Variants in AMER1 observed in about 807,000 individuals in gnomAD.
AMER1 encodes the protein RP11-403E24.2.
Under a neutral mutation model 53.0 loss-of-function variants are expected in AMER1, and 16 were observed. That is an observed-to-expected ratio of 0.30 (90% confidence interval 0.20 to 0.46). The LOEUF is 0.46. Among genes scored for constraint, AMER1 ranks in the 20% least tolerant of loss-of-function variants. The probability of loss-of-function intolerance (pLI) is 1.00; values close to 1 mark genes in which losing one functional copy is unlikely to be tolerated. For synonymous variants in AMER1, 354 were observed against 331.9 expected (o/e 1.07, Z -0.73); for missense variants, 947 against 884.9 (o/e 1.07, Z -0.89).
rs2093284049 is a variant in AMER1 at position 64,185,875 on chromosome X, A to G, written c.*4004T>C. The G allele has an allele frequency of 6.1e-6, 2 of 328,932 alleles. No homozygotes were observed. Among genetic ancestry groups the G allele is most frequent in the Admixed American group, 1.0e-4 (2 of 20,046 alleles). The allele number at this position is 328,932 out of a possible 1,213,427, so 27.1% of individuals were successfully genotyped here. ...CTGTCTCCCACAGCTTCTTGGGGAA[A>G]GGGGACATGGTTGAAACCCCCTTCC... On this transcript the variant is annotated 3_prime_UTR_variant, in exon 2 of 2. Coordinates refer to ENST00000374869, the MANE Select transcript of AMER1 (RefSeq NM_152424.4).
chrX:64,191,264 G>C lies in AMER1; in HGVS notation c.2023C>G (p.Gln675Glu). 8.3e-7 allele frequency: 1 copy of C among 1,211,772 alleles called. No individual in the cohort carries two copies. The highest frequency in any genetic ancestry group is 1.1e-6 in the Non-Finnish European group (1 of 895,442). ...GLAAGVSGTS[Q>E]ISHRGITSAF... Reference sequence around the variant, plus strand: ...GAGGTAATTCCCCGGTGGGAAATCTGAGAGGTCCCTGATACCCCTGCTGCC... The same window carrying C: ...GAGGTAATTCCCCGGTGGGAAATCTCAGAGGTCCCTGATACCCCTGCTGCC... The change falls in exon 2 of 2, where the codon CAG becomes GAG. Residue 675 changes from glutamine to glutamate, a missense_variant. Gln to Glu is a conservative substitution (Grantham distance 29). Coordinates refer to ENST00000374869, the MANE Select transcript of AMER1 (RefSeq NM_152424.4).
rs780678741 is a variant in AMER1 at position 64,193,228 on chromosome X, G to A, written c.59C>T (p.Thr20Ile). The change falls in exon 2 of 2, where the codon ACC becomes ATC. Residue 20 changes from threonine to isoleucine, a missense_variant. Transcript: ENST00000374869. ...QAKGAAASGS[T>I]REQTAEKGAK... is the part of the protein sequence containing the mutation. ...TCCTTTTTCTGCTGTTTGTTCACGG[G>A]TACTCCCAGAGGCTGCAGCTCCCTT... The A allele has an allele frequency of 1.2e-5, 14 of 1,210,028 alleles. No individual in the cohort carries two copies. The highest frequency in any genetic ancestry group is 2.2e-5 in the Admixed American group (1 of 45,739).
chrX:64,194,461 T>C (rs748367394), intron 1 of AMER1, among the ~76,000 whole-genome samples: 3 of 111,475 alleles, frequency 2.7e-5, no homozygotes, highest in Admixed American at 9.5e-5. Flanking sequence ...AGAGATGGAA[T>C]AAAAACAAGA....
Position 64,189,792 on chromosome X carries a change from A to AGCGGGGGGGG in AMER1, c.*86_*87insCCCCCCCCGC. ...CCAAAGGGTTTTCAAGTTAAACAAC[A>AGCGGGGGGGG]ACCCCCACCCCCCCACCCTTCTGCC... is the stretch of plus-strand genomic sequence containing the variant. On this transcript the variant is annotated 3_prime_UTR_variant, in exon 2 of 2. Coordinates refer to ENST00000374869, the MANE Select transcript of AMER1 (RefSeq NM_152424.4). The AGCGGGGGGGG allele has an allele frequency of 1.3e-6, 1 of 746,976 alleles. No homozygotes were observed. The highest frequency in any genetic ancestry group is 8.5e-5 in the East Asian group (1 of 11,770). 61.6% of individuals were successfully genotyped at this position (746,976 alleles called of 1,213,427 possible). A position where few individuals can be genotyped will look rare whatever the true frequency, so the allele number is the denominator to read the frequency against.
At chrX:64,195,579 T>C (rs979695212) in intron 1 of AMER1, among the ~76,000 whole-genome samples, 1 of 112,238 alleles carries the variant, frequency 8.9e-6, no homozygotes, top group East Asian at 2.8e-4. Flanking sequence ...AGGCATTAGA[T>C]TCTCATAGGA....
chrX:64,189,793 A>AGGGGGGGCG lies in AMER1; in HGVS notation c.*85_*86insCGCCCCCCC. On this transcript the variant is annotated 3_prime_UTR_variant, in exon 2 of 2. Coordinates refer to ENST00000374869, the MANE Select transcript of AMER1 (RefSeq NM_152424.4). The stretch of plus-strand genomic sequence containing the variant: ...CAAAGGGTTTTCAAGTTAAACAACA[A>AGGGGGGGCG]CCCCCACCCCCCCACCCTTCTGCCC... 1 of 292,064 alleles carries AGGGGGGGCG rather than the reference A, an allele frequency of 3.4e-6. No homozygotes were observed. The highest frequency in any genetic ancestry group is 1.7e-4 in the East Asian group (1 of 5,962). 24.1% of individuals were successfully genotyped at this position (292,064 alleles called of 1,213,427 possible). A position where few individuals can be genotyped will look rare whatever the true frequency, so the allele number is the denominator to read the frequency against.
At position 64,190,309 on chromosome X, in the gene AMER1, G is replaced by A. The variant is rs2147084860; in HGVS notation, c.2978C>T (p.Thr993Ile). ...PSSQSPYRQA[T>I]CCIPPMTMSI... ...CATGGTCATAGGAGGTATGCAACAG[G>A]TTGCCTGCCTATATGGAGACTGGCT... Residue 993 changes from threonine to isoleucine, a missense_variant, in exon 2 of 2, where the codon ACC (threonine) becomes ATC (isoleucine). By Grantham distance (89) the Thr-to-Ile change is moderately conservative. Transcript: ENST00000374869. 1 of 1,211,846 alleles carries A rather than the reference G, an allele frequency of 8.3e-7. No homozygotes were observed. Among genetic ancestry groups the A allele is most frequent in the Non-Finnish European group, 1.1e-6 (1 of 895,524 alleles).
chrX:64,189,565 A>AACTTGGC lies in AMER1; in HGVS notation c.*307_*313dup. The AACTTGGC allele has an allele frequency of 1.7e-6, 1 of 575,072 alleles. No homozygotes were observed. The highest frequency in any genetic ancestry group is 2.1e-6 in the Non-Finnish European group (1 of 485,647). 47.4% of individuals were successfully genotyped at this position (575,072 alleles called of 1,213,427 possible). The stretch of plus-strand genomic sequence containing the variant: ...ATATATATATATATATATAATCACT[A>AACTTGGC]ACTTGGCAACTGGAATAGGCACAAA... On this transcript the variant is annotated 3_prime_UTR_variant, in exon 2 of 2. Transcript: ENST00000374869.
chrX:64,189,793 A>ACCACCCCC lies in AMER1; in HGVS notation c.*85_*86insGGGGGTGG. The ACCACCCCC allele has an allele frequency of 1.0e-5, 3 of 292,072 alleles. No individual in the cohort carries two copies. Among genetic ancestry groups the ACCACCCCC allele is most frequent in the South Asian group, 6.5e-5 (1 of 15,354 alleles). The allele number at this position is 292,072 out of a possible 1,213,427, so 24.1% of individuals were successfully genotyped here. A position where few individuals can be genotyped will look rare whatever the true frequency, so the allele number is the denominator to read the frequency against. ...CAAAGGGTTTTCAAGTTAAACAACAACCCCCACCCCCCCACCCTTCTGCCC... is the reference window on the plus strand; with the variant it reads ...CAAAGGGTTTTCAAGTTAAACAACAACCACCCCCCCCCCACCCCCCCACCCTTCTGCCC... On this transcript the variant is annotated 3_prime_UTR_variant, in exon 2 of 2. Coordinates refer to ENST00000374869, the MANE Select transcript of AMER1 (RefSeq NM_152424.4).
At chrX:64,201,728 C>A (rs751373238) in intron 1 of AMER1, among the ~76,000 whole-genome samples, 1 of 112,272 alleles carries the variant, frequency 8.9e-6, no homozygotes, top group Non-Finnish European at 1.9e-5. Context: ...GGCTGGAAAC[C>A]CCTTCTCCCT....
rs1930157082 is a variant in AMER1 at position 64,188,646 on chromosome X, G to A, written c.*1233C>T. 1 of 799,465 alleles carries A rather than the reference G, an allele frequency of 1.3e-6. No homozygotes were observed. Among genetic ancestry groups the A allele is most frequent in the Admixed American group, 7.8e-5 (1 of 12,872 alleles). 65.9% of individuals were successfully genotyped at this position (799,465 alleles called of 1,213,427 possible). A position where few individuals can be genotyped will look rare whatever the true frequency, so the allele number is the denominator to read the frequency against. On this transcript the variant is annotated 3_prime_UTR_variant, in exon 2 of 2. Transcript: ENST00000374869. Reference sequence around the variant, plus strand: ...ATTACAGAGTCCAAATGATGGGATGGGCAAGGCTTAAGGAACATTTTGTGT... The same window carrying A: ...ATTACAGAGTCCAAATGATGGGATGAGCAAGGCTTAAGGAACATTTTGTGT...
In AMER1 at chrX:64,191,701, T is replaced by C. The variant is rs1157097245; in HGVS notation, c.1586A>G (p.His529Arg). 1.7e-6 allele frequency: 2 copies of C among 1,211,828 alleles called. No individual in the cohort carries two copies. The highest frequency in any genetic ancestry group is 2.2e-5 in the Admixed American group (1 of 46,082). The change falls in exon 2 of 2, where the codon CAT (histidine) becomes CGT (arginine). Residue 529 changes from histidine (H) to arginine (R), a missense_variant. His to Arg is a conservative substitution (Grantham distance 29). Transcript: ENST00000374869. ...PPGDDCLYDL[H>R]GRSSEMFDPF... ...GTCAAACATCTCAGAGCTTCGACCATGGAGGTCATAAAGGCAGTCATCTCC... is the reference window on the plus strand; with the variant it reads ...GTCAAACATCTCAGAGCTTCGACCACGGAGGTCATAAAGGCAGTCATCTCC...
At position 64,189,190 on chromosome X, in the gene AMER1, A is replaced by T; in HGVS notation, c.*689T>A. 1.2e-6 allele frequency: 1 copy of T among 800,844 alleles called. No homozygotes were observed. The highest frequency in any genetic ancestry group is 7.3e-5 in the East Asian group (1 of 13,788). The allele number at this position is 800,844 out of a possible 1,213,427, so 66.0% of individuals were successfully genotyped here. On this transcript the variant is annotated 3_prime_UTR_variant, in exon 2 of 2. Coordinates refer to ENST00000374869, the MANE Select transcript of AMER1 (RefSeq NM_152424.4). ...TAGGCTGTGAGACACACGCTACTTGATCCTCTCTAAGGACAGCTAGCTGGG... is the reference window on the plus strand; with the variant it reads ...TAGGCTGTGAGACACACGCTACTTGTTCCTCTCTAAGGACAGCTAGCTGGG...
At position 64,205,291 on chromosome X, in the gene AMER1, C is replaced by G. The variant is rs373881047; in HGVS notation, c.-99+279G>C. On this transcript the variant is annotated intron_variant, in intron 1 of 1. Coordinates refer to ENST00000374869, the MANE Select transcript of AMER1 (RefSeq NM_152424.4). ...GCACGTGCGGGCCCATCCCCGCCCC[C>G]CCGAAAGCCGGGAGGCTTGGCCCAG... is the stretch of plus-strand genomic sequence containing the variant. Among the ~76,000 whole-genome samples the G allele has an allele frequency of 3.7e-4, 41 of 111,041 alleles. 1 individual carries two copies. Among genetic ancestry groups the G allele is most frequent in the Admixed American group, 3.0e-3 (32 of 10,717 alleles).
chrX:64,204,308 G>T (rs1357971628), intron 1 of AMER1, among the ~76,000 whole-genome samples: 1 of 113,849 alleles, frequency 8.8e-6, no homozygotes, highest in Non-Finnish European at 1.9e-5. Context: ...GTTTGTGTGT[G>T]GAACAAGGCT....
chrX:64,189,558 A>ATATATATAT lies in AMER1; in HGVS notation c.*320_*321insATATATATA, dbSNP rs1930193432. 26 of 304,542 alleles carry ATATATATAT rather than the reference A, an allele frequency of 8.5e-5. No individual in the cohort carries two copies. The highest frequency in any genetic ancestry group is 5.2e-4 in the Admixed American group (4 of 7,729). 25.1% of individuals were successfully genotyped at this position (304,542 alleles called of 1,213,427 possible). A position where few individuals can be genotyped will look rare whatever the true frequency, so the allele number is the denominator to read the frequency against. ...TATATATATATATATATATATATAT[A>ATATATATAT]ATCACTAACTTGGCAACTGGAATAG... On this transcript the variant is annotated 3_prime_UTR_variant, in exon 2 of 2. Coordinates refer to ENST00000374869, the MANE Select transcript of AMER1 (RefSeq NM_152424.4).
Position 64,189,811 on chromosome X carries a change from T to A in AMER1, c.*68A>T, listed in dbSNP as rs761049370. The stretch of plus-strand genomic sequence containing the variant: ...AACAACAACCCCCACCCCCCCACCC[T>A]TCTGCCCAACCCCTGATCCCCATTC... On this transcript the variant is annotated 3_prime_UTR_variant, in exon 2 of 2. Coordinates refer to ENST00000374869, the MANE Select transcript of AMER1 (RefSeq NM_152424.4). 1.4e-5 allele frequency: 1 copy of A among 73,879 alleles called. No homozygotes were observed. The highest frequency in any genetic ancestry group is 2.3e-5 in the Non-Finnish European group (1 of 42,621). 6.1% of individuals were successfully genotyped at this position (73,879 alleles called of 1,213,427 possible). A position where few individuals can be genotyped will look rare whatever the true frequency, so the allele number is the denominator to read the frequency against.
In AMER1 at chrX:64,189,796, C is replaced by CCCCCCCCCCCCCT; in HGVS notation, c.*82_*83insAGGGGGGGGGGGG. 8.1e-6 allele frequency: 1 copy of CCCCCCCCCCCCCT among 123,744 alleles called. No homozygotes were observed. The highest frequency in any genetic ancestry group is 3.2e-4 in the East Asian group (1 of 3,143). 10.2% of individuals were successfully genotyped at this position (123,744 alleles called of 1,213,427 possible). ...AGGGTTTTCAAGTTAAACAACAACC[C>CCCCCCCCCCCCCT]CCACCCCCCCACCCTTCTGCCCAAC... On this transcript the variant is annotated 3_prime_UTR_variant, in exon 2 of 2. Transcript: ENST00000374869.
intron 1 of AMER1, among the ~76,000 whole-genome samples, chrX:64,198,823 T>C (rs1481260843): frequency 8.9e-6 from 1 of 111,799 alleles, no homozygotes; most frequent in African/African-American, 3.3e-5. Flanking sequence ...ACAGGACATG[T>C]CACTCTACTC....
Sources: gnomAD v4.1 joint callset for allele counts (sites outside exome capture counted in the v4.1 genomes callset) on GRCh38, gnomAD v4.1.1 for gene constraint, MANE v1.5 for transcripts, NCBI Gene and HGNC (gene_info 2026-07-23, HGNC 2026-07-21) for gene names.